MTUS2: variants seen among roughly 807,000 people sequenced by gnomAD.
The protein encoded by MTUS2 is microtubule associated scaffold protein 2.
MTUS2 carries 40 observed loss-of-function variants against 114.1 expected under a neutral mutation model. The ratio of observed to expected loss-of-function variants is 0.35; its 90% confidence interval spans 0.27 to 0.46. MTUS2 has a LOEUF of 0.46. MTUS2 is among the 20% of genes least tolerant of loss of function. The pLI is 1.00. For synonymous variants in MTUS2, 688 were observed against 672.0 expected, an observed-to-expected ratio of 1.02 and a Z score of -0.37; for missense variants, 1,679 against 1,705.4, an observed-to-expected ratio of 0.98 and a Z score of 0.27.
intron 5 of MTUS2, among the ~76,000 whole-genome samples, chr13:29,202,900 C>T (rs1014988872): frequency 6.6e-6 from 1 of 152,192 alleles, no homozygotes; most frequent in African/African-American, 2.4e-5. Flanking sequence ...AGAAGGGCAC[C>T]TGCCAGATGC....
rs77122191 is a variant in MTUS2 at position 29,135,050 on chromosome 13, G to A, written c.2644+34080G>A. Among the ~76,000 whole-genome samples the A allele has an allele frequency of 9.1e-3, 1,387 of 152,264 alleles. 13 individuals are homozygous for A. Among genetic ancestry groups the A allele is most frequent in the African/African-American group, 0.032 (1,333 of 41,540 alleles). On this transcript the variant is annotated intron_variant, in intron 5 of 15. Transcript: ENST00000612955. Reference sequence around the variant, plus strand: ...CACTTTCAGAAATAAACAATTCATAGGTTTTAATTATTGTATGCCCTTCTG... The same window carrying A: ...CACTTTCAGAAATAAACAATTCATAAGTTTTAATTATTGTATGCCCTTCTG...
intron 7 of MTUS2, among the ~76,000 whole-genome samples, chr13:29,327,377 T>G (rs1439387221): frequency 6.6e-6 from 1 of 152,086 alleles, no homozygotes; most frequent in Non-Finnish European, 1.5e-5. Context: ...CTGGGACCCC[T>G]TTGTCATACC....
At chr13:29,498,394 G>T in intron 13 of MTUS2, 24 bp from the exon 14 acceptor site, 6 of 1,613,448 alleles carry the variant, frequency 3.7e-6, no homozygotes, top group Non-Finnish European at 5.1e-6. Context: ...CTGGTCAACA[G>T]CTCATGGCTC....
At chr13:29,482,563 G>A (rs1257318608) in intron 10 of MTUS2, among the ~76,000 whole-genome samples, 2 of 152,206 alleles carry the variant, frequency 1.3e-5, no homozygotes, top group Admixed American at 6.5e-5. Flanking sequence ...TCTATGGAAT[G>A]TGCATTGTAT....
chr13:29,342,366 C>T (rs1259294049), intron 7 of MTUS2, among the ~76,000 whole-genome samples: 1 of 151,960 alleles, frequency 6.6e-6, no homozygotes, highest in African/African-American at 2.4e-5. Flanking sequence ...AGGTCTTTCA[C>T]TCCTTAATTA....
intron 5 of MTUS2, among the ~76,000 whole-genome samples, chr13:29,183,972 GT>G (rs933278302): frequency 6.6e-6 from 1 of 152,098 alleles, no homozygotes; most frequent in Non-Finnish European, 1.5e-5. Context: ...TAACTGTACA[GT>G]TTTTGCCTAT....
rs111506338 is a variant in MTUS2, at chr13:29,268,491, G to A, written c.2645-13213G>A. On this transcript the variant is annotated intron_variant, in intron 5 of 15. Transcript: ENST00000612955. Reference sequence around the variant, plus strand: ...CTCCTCATCACCATTCAGATCAAATGCTCTGCTTTCTCCTCCTCCTGTCTG... The same window carrying A: ...CTCCTCATCACCATTCAGATCAAATACTCTGCTTTCTCCTCCTCCTGTCTG... Among the ~76,000 whole-genome samples the A allele has an allele frequency of 1.9e-3, 290 of 152,164 alleles. 2 individuals are homozygous for A. The highest frequency in any genetic ancestry group is 6.6e-3 in the African/African-American group (273 of 41,512).
chr13:29,029,349 C>T (rs1205976363), intron 3 of MTUS2, among the ~76,000 whole-genome samples: 1 of 152,224 alleles, frequency 6.6e-6, no homozygotes, highest in Non-Finnish European at 1.5e-5. Context: ...GGCTAGAGGA[C>T]ACTTGAGTCT....
At chr13:28,860,412 G>A (rs1876896448) in intron 2 of MTUS2, among the ~76,000 whole-genome samples, 1 of 152,172 alleles carries the variant, frequency 6.6e-6, no homozygotes, top group South Asian at 2.1e-4. Context: ...TCACCAGGCC[G>A]GAATGTGGGA....
At chr13:29,317,955 C>T (rs1411240902) in intron 6 of MTUS2, among the ~76,000 whole-genome samples, 1 of 152,196 alleles carries the variant, frequency 6.6e-6, no homozygotes, top group African/African-American at 2.4e-5. Context: ...GAGTGATTAT[C>T]ATCACTTGCG....
chr13:29,352,205 T>G (rs1483641112), intron 7 of MTUS2, among the ~76,000 whole-genome samples: 2 of 152,202 alleles, frequency 1.3e-5, no homozygotes, highest in African/African-American at 2.4e-5. Flanking sequence ...ATTATACAAC[T>G]TCTCTCTCAG....
chr13:29,294,722 G>A (rs1898866803), intron 6 of MTUS2, among the ~76,000 whole-genome samples: 1 of 152,202 alleles, frequency 6.6e-6, no homozygotes, highest in Non-Finnish European at 1.5e-5. Context: ...CAGCAATGAT[G>A]TGTGAAAACA....
chr13:28,865,801 G>A (rs551035597), intron 2 of MTUS2, among the ~76,000 whole-genome samples: 25 of 152,096 alleles, frequency 1.6e-4, no homozygotes, highest in Non-Finnish European at 3.2e-4. Flanking sequence ...ATGACATTCT[G>A]GGTTGACTGG....
intron 2 of MTUS2, among the ~76,000 whole-genome samples, chr13:28,889,762 G>T (rs2137907345): frequency 6.6e-6 from 1 of 152,170 alleles, no homozygotes; most frequent in African/African-American, 2.4e-5. Flanking sequence ...AGCAATAAGG[G>T]TAAGAGTCCC....
rs565821252 is a variant in MTUS2 at position 29,025,097 on chromosome 13, G to A, written c.399G>A (p.Ser133=). ...TTRSIQGPSL[S]SWRNVMSEAS... is the part of the protein sequence containing the mutation. ...GGAGTATTCAGGGACCAAGTCTGTC[G>A]AGTTGGAGGAATGTGATGAGTGAGG... The change falls in exon 3 of 16, where the codon TCG becomes TCA. Residue 133 remains serine (S), a synonymous_variant. Coordinates refer to ENST00000612955, the MANE Select transcript of MTUS2 (RefSeq NM_001033602.4). 1.5e-4 allele frequency: 245 copies of A among 1,613,842 alleles called. 2 individuals carry two copies. In the South Asian group the frequency reaches 2.4e-3, roughly 16 times the overall value.
chr13:28,905,366 A>G (rs988076337), intron 2 of MTUS2, among the ~76,000 whole-genome samples: 7 of 151,544 alleles, frequency 4.6e-5, no homozygotes, highest in African/African-American at 1.7e-4. Flanking sequence ...GTTTTTGTCC[A>G]TTCAGTATGA....
intron 5 of MTUS2, among the ~76,000 whole-genome samples, chr13:29,236,944 C>T (rs536894383): frequency 1.3e-5 from 2 of 152,282 alleles, no homozygotes; most frequent in African/African-American, 4.8e-5. Context: ...AGGAGAAAGA[C>T]AGGAAAATAA....
At position 29,493,217 on chromosome 13, in the gene MTUS2, C is replaced by A. The variant is rs972148398; in HGVS notation, c.3579+498C>A. 2.6e-5 allele frequency among the ~76,000 whole-genome samples: 4 copies of A among 152,296 alleles called. No individual in the cohort carries two copies. In the South Asian group the frequency reaches 8.3e-4, roughly 32 times the overall value. Reference sequence around the variant, plus strand: ...TCCTCTCACTGCCACCTTTAGGAAACGCTGGTCTCAGATGCCAGAGGAGCT... The same window carrying A: ...TCCTCTCACTGCCACCTTTAGGAAAAGCTGGTCTCAGATGCCAGAGGAGCT... On this transcript the variant is annotated intron_variant, in intron 12 of 15. Coordinates refer to ENST00000612955, the MANE Select transcript of MTUS2 (RefSeq NM_001033602.4).
chr13:29,410,982 C>G (rs1875188866), intron 8 of MTUS2, among the ~76,000 whole-genome samples: 3 of 152,138 alleles, frequency 2.0e-5, no homozygotes, highest in Admixed American at 6.5e-5. Context: ...CAGGCACATG[C>G]CACCACACCC....
Sources: gnomAD v4.1 joint callset for allele counts (sites outside exome capture counted in the v4.1 genomes callset) on GRCh38, gnomAD v4.1.1 for gene constraint, MANE v1.5 for transcripts, NCBI Gene and HGNC (gene_info 2026-07-23, HGNC 2026-07-21) for gene names.